Variants in GRIK2 observed in about 807,000 individuals in gnomAD.
GRIK2 encodes the protein glutamate receptor ionotropic, kainate 2.
GRIK2 carries 32 observed loss-of-function variants against 100.3 expected under a neutral mutation model. That is an observed-to-expected ratio of 0.32 (90% CI 0.24 to 0.43). The LOEUF (loss-of-function observed/expected upper bound fraction) is 0.43. Among genes scored for constraint, GRIK2 ranks in the 20% least tolerant of loss-of-function variants. The probability of loss-of-function intolerance (pLI) is 1.00; values close to 1 mark genes in which losing one functional copy is unlikely to be tolerated. For missense variants in GRIK2, 843 were observed against 1,114.9 expected, an observed-to-expected ratio of 0.76 and a Z score of 3.47; for synonymous variants, 417 against 389.4, an observed-to-expected ratio of 1.07 and a Z score of -0.83.
At chr6:101,533,376 T>G (rs1408162065) in intron 2 of GRIK2, among the ~76,000 whole-genome samples, 1 of 151,012 alleles carries the variant, frequency 6.6e-6, no homozygotes, top group African/African-American at 2.4e-5. Flanking sequence ...GATTAATGTA[T>G]CAATTAGAAC....
At chr6:102,018,976 G>A (rs1769283174) in intron 14 of GRIK2, among the ~76,000 whole-genome samples, 1 of 151,852 alleles carries the variant, frequency 6.6e-6, no homozygotes, top group South Asian at 2.1e-4. Context: ...ATTTTTTTCT[G>A]CGAAGGGGTT....
intron 2 of GRIK2, among the ~76,000 whole-genome samples, chr6:101,496,027 C>T (rs561234123): frequency 1.3e-5 from 2 of 152,128 alleles, no homozygotes; most frequent in Non-Finnish European, 2.9e-5. Context: ...CTCACTACAA[C>T]CTCTGCCTCC....
intron 14 of GRIK2, among the ~76,000 whole-genome samples, chr6:101,950,872 G>T (rs750425354): frequency 6.6e-6 from 1 of 152,114 alleles, no homozygotes; most frequent in Non-Finnish European, 1.5e-5. Context: ...GAACTTATAG[G>T]TGGCATAGTG....
intron 2 of GRIK2, among the ~76,000 whole-genome samples, chr6:101,511,475 CTTTA>C (rs1163738452): frequency 6.6e-6 from 1 of 151,932 alleles, no homozygotes; most frequent in Non-Finnish European, 1.5e-5. Context: ...TTTATTTAAT[CTTTA>C]TTTAAAATGT....
rs114709862 is a variant in GRIK2, at chr6:101,734,360, A to G, written c.951+48007A>G. Among the ~76,000 whole-genome samples the G allele has an allele frequency of 3.9e-3, 595 of 152,326 alleles. 1 individual carries two copies. Among genetic ancestry groups the G allele is most frequent in the African/African-American group, 0.013 (557 of 41,576 alleles). On this transcript the variant is annotated intron_variant, in intron 7 of 16. Transcript: ENST00000369134. ...AGCTTGAGTCAGAAAGCAGGAAAAC[A>G]TTAATGTCTAACCTCAGGGCAGTCA...
intron 2 of GRIK2, among the ~76,000 whole-genome samples, chr6:101,532,538 CTT>C (rs34312287): frequency 6.8e-6 from 1 of 146,180 alleles, no homozygotes. Flanking sequence ...CTGGGGAGAC[CTT>C]TTTTTTTTTT....
intron 10 of GRIK2, among the ~76,000 whole-genome samples, chr6:101,852,053 A>G (rs1274858653): frequency 6.6e-6 from 1 of 152,074 alleles, no homozygotes; most frequent in Non-Finnish European, 1.5e-5. Flanking sequence ...GGAGAATACA[A>G]TTGAAATAAT....
chr6:101,809,785 A>C (rs1781218534), intron 9 of GRIK2, among the ~76,000 whole-genome samples: 1 of 152,042 alleles, frequency 6.6e-6, no homozygotes, highest in South Asian at 2.1e-4. Flanking sequence ...TTAGCCATTT[A>C]ATTTGTCTAA....
intron 14 of GRIK2, among the ~76,000 whole-genome samples, chr6:102,034,061 T>C (rs1041722267): frequency 6.6e-6 from 1 of 151,444 alleles, no homozygotes; most frequent in Non-Finnish European, 1.5e-5. Context: ...CCAGGCATGG[T>C]GGCTCATGCT....
chr6:101,982,439 G>T (rs528593276), intron 14 of GRIK2, among the ~76,000 whole-genome samples: 3 of 151,862 alleles, frequency 2.0e-5, no homozygotes, highest in African/African-American at 7.2e-5. Flanking sequence ...TTAATTTGGG[G>T]CAATAGACTG....
intron 7 of GRIK2, among the ~76,000 whole-genome samples, chr6:101,792,098 T>C (rs1779910111): frequency 2.6e-5 from 4 of 151,978 alleles, no homozygotes. Flanking sequence ...AGCCTATGTG[T>C]GTCTCTGCAC....
Position 101,870,442 on chromosome 6 carries a change from A to G in GRIK2, c.1524+10949A>G, listed in dbSNP as rs532253895. On this transcript the variant is annotated intron_variant, in intron 11 of 16. Transcript: ENST00000369134. ...ACAAATGGATTTTCCCAAGCATTAT[A>G]TTTTATTGATGTACATGTTTTGTTT... 3.3e-5 allele frequency among the ~76,000 whole-genome samples: 5 copies of G among 151,952 alleles called. No individual in the cohort carries two copies. The East Asian group carries it at 9.7e-4, about 29-fold the overall frequency.
intron 4 of GRIK2, among the ~76,000 whole-genome samples, chr6:101,675,294 GAC>G (rs537176420): frequency 2.8e-5 from 3 of 106,720 alleles, no homozygotes; most frequent in African/African-American, 9.2e-5. Context: ...CGCACACGCA[GAC>G]ACACACACAC....
intron 11 of GRIK2, among the ~76,000 whole-genome samples, chr6:101,879,048 G>A (rs566882247): frequency 6.6e-6 from 1 of 152,132 alleles, no homozygotes; most frequent in East Asian, 1.9e-4. Flanking sequence ...CTACCACGTG[G>A]TGTGCTTTTA....
At chr6:101,555,550 T>A (rs887191896) in intron 2 of GRIK2, among the ~76,000 whole-genome samples, 1 of 152,216 alleles carries the variant, frequency 6.6e-6, no homozygotes, top group African/African-American at 2.4e-5. Flanking sequence ...ACATATAGAA[T>A]TTAAAAATTT....
chr6:101,466,023 A>G (rs1264428821), intron 2 of GRIK2, among the ~76,000 whole-genome samples: 1 of 152,152 alleles, frequency 6.6e-6, no homozygotes, highest in East Asian at 1.9e-4. Flanking sequence ...GTTTTATTTA[A>G]GTCTTGGCCT....
At chr6:101,742,074 A>T (rs1225137932) in intron 7 of GRIK2, among the ~76,000 whole-genome samples, 1 of 152,244 alleles carries the variant, frequency 6.6e-6, no homozygotes, top group Non-Finnish European at 1.5e-5. Context: ...ACTGAGGTTA[A>T]TAAGCTATCA....
At chr6:101,521,923 C>G (rs1045903324) in intron 2 of GRIK2, among the ~76,000 whole-genome samples, 1 of 151,846 alleles carries the variant, frequency 6.6e-6, no homozygotes, top group Non-Finnish European at 1.5e-5. Flanking sequence ...ATTATCTAAA[C>G]AGTAAAGCAA....
At chr6:101,551,519 T>C (rs1473178493) in intron 2 of GRIK2, among the ~76,000 whole-genome samples, 2 of 152,178 alleles carry the variant, frequency 1.3e-5, no homozygotes, top group Admixed American at 6.5e-5. Flanking sequence ...TTTTTCTAGT[T>C]AGTCATTGGA....
Sources: allele counts gnomAD v4.1 joint callset (sites outside exome capture counted in the v4.1 genomes callset), GRCh38; gene constraint gnomAD v4.1.1; transcripts MANE v1.5; gene names NCBI Gene and HGNC (gene_info 2026-07-23, HGNC 2026-07-21).